The following DLG3 variants were observed in gnomAD, a reference collection of about 807,000 sequenced individuals.
DLG3 encodes disks large homolog 3.
Under a neutral mutation model 64.1 loss-of-function variants are expected in DLG3, and 1 was observed. That is an observed-to-expected ratio of 0.02 (90% CI 0.01 to 0.07). DLG3 has a LOEUF of 0.07. DLG3 is among the 10% of genes least tolerant of loss of function. The pLI, the probability that DLG3 is intolerant of heterozygous loss-of-function variation, is 1.00. For synonymous variants in DLG3, 245 were observed against 259.8 expected (o/e 0.94, Z 0.55); for missense variants, 429 against 669.5 (o/e 0.64, Z 3.96).
rs2053644450 is a variant in DLG3, at chrX:70,497,106, A to T, written c.1820-1414A>T. 2.9e-6 allele frequency: 3 copies of T among 1,050,617 alleles called. No individual in the cohort carries two copies. The Admixed American group carries it at 6.6e-5, about 23-fold the overall frequency. The allele number at this position is 1,050,617 out of a possible 1,213,427, so 86.6% of individuals were successfully genotyped here. On this transcript the variant is annotated intron_variant, in intron 13 of 18. Transcript: ENST00000374360. The stretch of plus-strand genomic sequence containing the variant: ...CAGCTCAGTGTCTCGCTCCTGGAGC[A>T]TTTGAGTTTTGTGCTGCATGTGACC...
intron 7 of DLG3, chrX:70,452,670 G>A: frequency 8.3e-7 from 1 of 1,202,051 alleles, no homozygotes; most frequent in Non-Finnish European, 1.1e-6. Context: ...CATGGGCTTG[G>A]GCTCCGCCTC....
At chrX:70,447,952 G>A (rs778096676) in intron 1 of DLG3, among the ~76,000 whole-genome samples, 1 of 111,832 alleles carries the variant, frequency 8.9e-6, no homozygotes, top group Admixed American at 9.4e-5. Context: ...TCAGCCTGTG[G>A]GTCACCAACT....
chrX:70,446,884 G>T (rs1242442227), intron 1 of DLG3, among the ~76,000 whole-genome samples: 1 of 112,284 alleles, frequency 8.9e-6, no homozygotes, highest in Non-Finnish European at 1.9e-5. Flanking sequence ...GTCCTCTGGG[G>T]ATAGGATGTG....
At chrX:70,448,717 G>A (rs1329914056) in intron 1 of DLG3, 196 bp from the exon 2 acceptor site, 4 of 1,024,810 alleles carry the variant, frequency 3.9e-6, no homozygotes, top group African/African-American at 1.9e-5. Context: ...ATGGTTGGAA[G>A]CAAAGCAGGG....
chrX:70,479,298 T>TC, intron 10 of DLG3, 34 bp downstream of exon 10: 2 of 1,078,135 alleles, frequency 1.9e-6, no homozygotes, highest in Non-Finnish European at 2.6e-6. Context: ...GCCCTTGTGC[T>TC]GGACGAGGAG....
intron 9 of DLG3, among the ~76,000 whole-genome samples, chrX:70,472,803 C>T (rs2086992472): frequency 8.9e-6 from 1 of 111,899 alleles, no homozygotes; most frequent in South Asian, 3.8e-4. Flanking sequence ...CATGTCCTTC[C>T]GTTCCTTAAA....
At chrX:70,481,059 GA>G (rs1409138925) in intron 10 of DLG3, among the ~76,000 whole-genome samples, 2 of 112,051 alleles carry the variant, frequency 1.8e-5, no homozygotes, top group Non-Finnish European at 3.8e-5. Context: ...ATGTGGTTAG[GA>G]AAATAGTAAC....
chrX:70,493,363 T>C lies in DLG3; in HGVS notation c.1773+767T>C, dbSNP rs1426398491. On this transcript the variant is annotated intron_variant, in intron 12 of 18. Transcript: ENST00000374360. ...CTTCTGTCCTTCCCCTCCATCTTCATGTTCTTTCACAGTCGATCAAAACGA... is the reference window on the plus strand; with the variant it reads ...CTTCTGTCCTTCCCCTCCATCTTCACGTTCTTTCACAGTCGATCAAAACGA... 7 of 1,187,756 alleles carry C rather than the reference T, an allele frequency of 5.9e-6. No individual in the cohort carries two copies. The South Asian group carries it at 1.3e-4, about 21-fold the overall frequency.
At chrX:70,494,718 C>T (rs1306902096) in intron 12 of DLG3, among the ~76,000 whole-genome samples, 5 of 112,174 alleles carry the variant, frequency 4.5e-5, no homozygotes, top group South Asian at 3.7e-4. Context: ...TCAGTGGTCC[C>T]GCCTGGTGGG....
In DLG3 at chrX:70,503,025, G is replaced by A. The variant is rs1274095513; in HGVS notation, c.*756G>A. 9.0e-6 allele frequency: 1 copy of A among 111,050 alleles called. No homozygotes were observed. The highest frequency in any genetic ancestry group is 1.9e-5 in the Non-Finnish European group (1 of 52,965). The allele number at this position is 111,050 out of a possible 1,213,427, so 9.2% of individuals were successfully genotyped here. On this transcript the variant is annotated 3_prime_UTR_variant, in exon 19 of 19. Transcript: ENST00000374360. ...GGCACTCGCATTTGGTCATTCTCTTGAGAGCTAGGAGGGGTCAGCCTGAGG... is the reference window on the plus strand; with the variant it reads ...GGCACTCGCATTTGGTCATTCTCTTAAGAGCTAGGAGGGGTCAGCCTGAGG...
chrX:70,446,376 G>C (rs929409156), intron 1 of DLG3, among the ~76,000 whole-genome samples: 6 of 106,817 alleles, frequency 5.6e-5, no homozygotes, highest in Non-Finnish European at 1.2e-4. Flanking sequence ...CTGCTGAGAA[G>C]GACGGACTCT....
At chrX:70,485,173 G>A (rs912476470) in intron 10 of DLG3, among the ~76,000 whole-genome samples, 1 of 111,228 alleles carries the variant, frequency 9.0e-6, no homozygotes. Flanking sequence ...GGGAGTAACT[G>A]GGAGGGTCTT....
chrX:70,478,417 T>G (rs891929570), intron 9 of DLG3, among the ~76,000 whole-genome samples: 2 of 111,401 alleles, frequency 1.8e-5, no homozygotes, highest in African/African-American at 6.6e-5. Flanking sequence ...GATGGACTTA[T>G]GACCTCACTG....
At chrX:70,470,100 A>G (rs1167693737) in intron 9 of DLG3, among the ~76,000 whole-genome samples, 2 of 111,954 alleles carry the variant, frequency 1.8e-5, no homozygotes, top group Non-Finnish European at 3.8e-5. Flanking sequence ...TTGTGTGGGA[A>G]CTCAAGGTCA....
Position 70,502,721 on chromosome X carries a change from A to C in DLG3, c.*452A>C, listed in dbSNP as rs183847461. 8.7e-6 allele frequency: 1 copy of C among 115,514 alleles called. No homozygotes were observed. The highest frequency in any genetic ancestry group is 1.8e-5 in the Non-Finnish European group (1 of 56,995). The allele number at this position is 115,514 out of a possible 1,213,427, so 9.5% of individuals were successfully genotyped here. ...TCTGTACTGCTGTCTTGCAGCTCTG[A>C]ACGGTGCAACGTAATGGCGACAGAA... is the stretch of plus-strand genomic sequence containing the variant. On this transcript the variant is annotated 3_prime_UTR_variant, in exon 19 of 19. Transcript: ENST00000374360.
intron 10 of DLG3, among the ~76,000 whole-genome samples, chrX:70,485,077 T>C (rs1260520421): frequency 8.9e-6 from 1 of 112,026 alleles, no homozygotes; most frequent in Admixed American, 9.5e-5. Context: ...GTGTGCCCTT[T>C]ATCCAGTACT....
chrX:70,445,585 TG>T, intron 1 of DLG3, 27 bp downstream of exon 1: 1 of 1,154,309 alleles, frequency 8.7e-7, no homozygotes, highest in Non-Finnish European at 1.2e-6. Flanking sequence ...GGGGGAGCGG[TG>T]GGGCAACCCA....
rs746192662 is a variant in DLG3 at position 70,499,162 on chromosome X, C to T, written c.1871-14C>T. On this transcript the variant is annotated splice_polypyrimidine_tract_variant and intron_variant, in intron 14 of 18. Coordinates refer to ENST00000374360, the MANE Select transcript of DLG3 (RefSeq NM_021120.4). ...GGGGCCTCTGTTCACTGTCTCGATGCTCTCCCTCTCTAGTTCACTATGCAA... is the reference window on the plus strand; with the variant it reads ...GGGGCCTCTGTTCACTGTCTCGATGTTCTCCCTCTCTAGTTCACTATGCAA... 21 of 1,171,010 alleles carry T rather than the reference C, an allele frequency of 1.8e-5. No homozygotes were observed. In the Admixed American group the frequency reaches 3.5e-4, roughly 20 times the overall value.
At chrX:70,483,329 A>G (rs1205668030) in intron 10 of DLG3, among the ~76,000 whole-genome samples, 2 of 112,804 alleles carry the variant, frequency 1.8e-5, no homozygotes, top group Non-Finnish European at 3.8e-5. Flanking sequence ...TTTAGCTCCT[A>G]CTATGTAGAA....
Sources: allele counts gnomAD v4.1 joint callset (sites outside exome capture counted in the v4.1 genomes callset), GRCh38; gene constraint gnomAD v4.1.1; transcripts MANE v1.5; gene names NCBI Gene and HGNC (gene_info 2026-07-23, HGNC 2026-07-21).